DCBLD2: variants seen among roughly 807,000 people sequenced by gnomAD.
DCBLD2 encodes discoidin, CUB and LCCL domain-containing protein 2.
Under a neutral mutation model 86.8 loss-of-function variants are expected in DCBLD2, and 54 were observed. That is an observed-to-expected ratio of 0.62 (90% CI 0.50 to 0.78). DCBLD2 has a LOEUF of 0.78. Among genes scored for constraint, DCBLD2 ranks in the 30% least tolerant of loss-of-function variants. The probability of loss-of-function intolerance (pLI) is 0.00; values close to 1 mark genes in which losing one functional copy is unlikely to be tolerated. For synonymous variants in DCBLD2, 354 were observed against 341.3 expected (o/e 1.04, Z -0.41); for missense variants, 908 against 954.2 (o/e 0.95, Z 0.64).
At chr3:98,845,982 T>TTTA (rs1182654988) in intron 3 of DCBLD2, among the ~76,000 whole-genome samples, 1 of 152,256 alleles carries the variant, frequency 6.6e-6, no homozygotes, top group Non-Finnish European at 1.5e-5. Flanking sequence ...TTCACCATAC[T>TTTA]TTATTTCATA....
rs1941725363 is a variant in DCBLD2, at chr3:98,801,791, T to C, written c.1671-142A>G. The C allele has an allele frequency of 2.9e-5, 17 of 576,326 alleles. No homozygotes were observed. The South Asian group carries it at 3.7e-4, about 12-fold the overall frequency. 35.7% of individuals were successfully genotyped at this position (576,326 alleles called of 1,614,324 possible). ...TCATTGTTCAATTCCCACCTATGAGTGAGAACATGCGGTGTTTGGTTTTTT... is the reference window on the plus strand; with the variant it reads ...TCATTGTTCAATTCCCACCTATGAGCGAGAACATGCGGTGTTTGGTTTTTT... On this transcript the variant is annotated intron_variant, in intron 13 of 15. Coordinates refer to ENST00000326840, the MANE Select transcript of DCBLD2 (RefSeq NM_080927.4).
chr3:98,874,122 G>A (rs1332896318), intron 2 of DCBLD2, among the ~76,000 whole-genome samples: 2 of 152,136 alleles, frequency 1.3e-5, no homozygotes, highest in Non-Finnish European at 2.9e-5. Flanking sequence ...TATCAAAAAC[G>A]CACCAGGCTA....
Position 98,822,307 on chromosome 3 carries a change from C to G in DCBLD2, c.751G>C (p.Gly251Arg). The G allele has an allele frequency of 6.2e-7, 1 of 1,613,896 alleles. No individual in the cohort carries two copies. Among genetic ancestry groups the G allele is most frequent in the Non-Finnish European group, 8.5e-7 (1 of 1,179,876 alleles). Residue 251 changes from glycine (G) to arginine (R), a missense_variant, in exon 6 of 16, where the codon GGC becomes CGC. By Grantham distance (125) the Gly-to-Arg change is moderately radical. Transcript: ENST00000326840. ...CTAATTACAACACTGATTTGGCCGC[C>G]CAACGTGTTTGACACTACTCCTGCA... ...VHAGVVSNTLGGQISVVISKG... is the reference protein window; with the variant it reads ...VHAGVVSNTLRGQISVVISKG...
At chr3:98,870,225 G>A (rs1428873748) in intron 2 of DCBLD2, among the ~76,000 whole-genome samples, 1 of 152,172 alleles carries the variant, frequency 6.6e-6, no homozygotes, top group Non-Finnish European at 1.5e-5. Context: ...GTTTCAGTCT[G>A]CTTTGTCAAA....
intron 3 of DCBLD2, among the ~76,000 whole-genome samples, chr3:98,834,410 A>C (rs1427582174): frequency 6.7e-6 from 1 of 149,430 alleles, no homozygotes; most frequent in Non-Finnish European, 1.5e-5. Context: ...TTCTTCTATC[A>C]AACTGTATAT....
intron 13 of DCBLD2, among the ~76,000 whole-genome samples, chr3:98,803,973 C>T (rs903353066): frequency 5.5e-4 from 84 of 152,248 alleles, no homozygotes; most frequent in Non-Finnish European, 1.6e-4. Context: ...ATTTTTGCAT[C>T]GATTTTCATC....
intron 1 of DCBLD2, among the ~76,000 whole-genome samples, chr3:98,892,653 C>T (rs1430907286): frequency 1.3e-5 from 2 of 152,150 alleles, no homozygotes; most frequent in Non-Finnish European, 2.9e-5. Context: ...TTCCTGAAGT[C>T]TAGCTGCATT....
Position 98,881,733 on chromosome 3 carries a change from C to A in DCBLD2, c.240G>T (p.Glu80Asp), listed in dbSNP as rs775900214. The A allele has an allele frequency of 4.5e-5, 72 of 1,613,838 alleles. No individual in the cohort carries two copies. The South Asian group carries it at 6.9e-4, about 16-fold the overall frequency. Reference sequence around the variant, plus strand: ...AGTTTATGGATGTAAGGGTTCCACTCTCAGGGCCTAGTACAGTGTGTCCAC... The same window carrying A: ...AGTTTATGGATGTAAGGGTTCCACTATCAGGGCCTAGTACAGTGTGTCCAC... Reference protein sequence around the residue: ...DGCGHTVLGPESGTLTSINYP... With the variant: ...DGCGHTVLGPDSGTLTSINYP... Residue 80 changes from glutamate to aspartate, a missense_variant, in exon 2 of 16, where the codon GAG (glutamate) becomes GAT (aspartate). Coordinates refer to ENST00000326840, the MANE Select transcript of DCBLD2 (RefSeq NM_080927.4).
intron 8 of DCBLD2, 103 bp downstream of exon 8, chr3:98,819,099 T>A: frequency 1.8e-6 from 2 of 1,119,558 alleles, no homozygotes; most frequent in Non-Finnish European, 2.5e-6. Context: ...ACCATATAAT[T>A]ACAATTTTAA....
At chr3:98,845,434 T>C (rs1443762567) in intron 3 of DCBLD2, among the ~76,000 whole-genome samples, 1 of 152,168 alleles carries the variant, frequency 6.6e-6, no homozygotes, top group East Asian at 1.9e-4. Context: ...AGAAGATATG[T>C]CTGACTCTAC....
At chr3:98,858,035 C>T (rs575623890) in intron 2 of DCBLD2, among the ~76,000 whole-genome samples, 13 of 152,332 alleles carry the variant, frequency 8.5e-5, no homozygotes, top group African/African-American at 2.2e-4. Flanking sequence ...CGGTGCTCGT[C>T]GGGGAGGCTT....
At chr3:98,833,505 AC>A (rs1942363292) in intron 3 of DCBLD2, among the ~76,000 whole-genome samples, 1 of 152,046 alleles carries the variant, frequency 6.6e-6, no homozygotes, top group Non-Finnish European at 1.5e-5. Context: ...GACATAAGAC[AC>A]TCTGGCCATT....
intron 1 of DCBLD2, 26 bp downstream of exon 1, chr3:98,901,096 C>T: frequency 6.5e-7 from 1 of 1,538,528 alleles, no homozygotes. Context: ...GGTTCCCCCG[C>T]CGCTCACTCC....
At chr3:98,890,058 G>A (rs775802584) in intron 1 of DCBLD2, among the ~76,000 whole-genome samples, 5 of 151,884 alleles carry the variant, frequency 3.3e-5, no homozygotes, top group South Asian at 2.1e-4. Flanking sequence ...CTTTTCTAAT[G>A]TCAATGCACT....
chr3:98,812,543 C>T, intron 9 of DCBLD2, 61 bp from the exon 10 acceptor site: 1 of 1,470,986 alleles, frequency 6.8e-7, no homozygotes, highest in South Asian at 1.2e-5. Context: ...CTAAATTTCT[C>T]CACTTAAACA....
At chr3:98,834,240 T>C (rs1226332774) in intron 3 of DCBLD2, among the ~76,000 whole-genome samples, 1 of 150,096 alleles carries the variant, frequency 6.7e-6, no homozygotes, top group East Asian at 2.0e-4. Flanking sequence ...ATTCATAGAA[T>C]TCACAAAGAT....
At position 98,901,291 on chromosome 3, in the gene DCBLD2, G is replaced by A. The variant is rs1394704298; in HGVS notation, c.36C>T (p.Cys12=). ...CGGCCCGGACTTGGGGACACTGCGG[G>A]CAGCGCCTGGCTCTCACCACCGCCC... ...ASRAVVRARR[C]PQCPQVRAAA... Residue 12 remains cysteine (C), a synonymous_variant, in exon 1 of 16, where the codon TGC becomes TGT. Coordinates refer to ENST00000326840, the MANE Select transcript of DCBLD2 (RefSeq NM_080927.4). 4.0e-6 allele frequency: 6 copies of A among 1,518,264 alleles called. No individual in the cohort carries two copies. The highest frequency in any genetic ancestry group is 2.3e-4 in the Middle Eastern group (1 of 4,342). The allele number at this position is 1,518,264 out of a possible 1,614,324, so 94.0% of individuals were successfully genotyped here. A position where few individuals can be genotyped will look rare whatever the true frequency, so the allele number is the denominator to read the frequency against.
intron 2 of DCBLD2, among the ~76,000 whole-genome samples, chr3:98,868,542 T>A (rs1223092585): frequency 6.6e-6 from 1 of 152,156 alleles, no homozygotes; most frequent in Admixed American, 6.5e-5. Flanking sequence ...AAATCTGAGC[T>A]TTTAGTGTAC....
chr3:98,800,154 T>C (rs531949329), intron 15 of DCBLD2, among the ~76,000 whole-genome samples: 10 of 152,336 alleles, frequency 6.6e-5, no homozygotes, highest in African/African-American at 1.4e-4. Flanking sequence ...GAATATTTCA[T>C]TGGAAAAGAA....
Sources: gnomAD v4.1 joint callset for allele counts (sites outside exome capture counted in the v4.1 genomes callset) on GRCh38, gnomAD v4.1.1 for gene constraint, MANE v1.5 for transcripts, NCBI Gene and HGNC (gene_info 2026-07-23, HGNC 2026-07-21) for gene names.